SCP2: variants seen among roughly 807,000 people sequenced by gnomAD.
SCP2 encodes SCP-2/3-oxoacyl-CoA thiolase.
In SCP2, 48 loss-of-function variants were observed where a neutral mutation model predicts 71.4. The ratio of observed to expected loss-of-function variants is 0.67; its 90% CI spans 0.53 to 0.86. The LOEUF is 0.86. SCP2 is among the 40% of genes least tolerant of loss of function. SCP2 has a pLI of 0.00. For synonymous variants in SCP2, 220 were observed against 218.1 expected (o/e 1.01, Z -0.08); for missense variants, 560 against 655.6 (o/e 0.85, Z 1.59).
At chr1:53,020,348 T>A (rs1221302678) in intron 12 of SCP2, among the ~76,000 whole-genome samples, 2 of 152,208 alleles carry the variant, frequency 1.3e-5, no homozygotes, top group South Asian at 4.1e-4. Context: ...CTGCCACACA[T>A]TGTAGTTGCT....
intron 12 of SCP2, among the ~76,000 whole-genome samples, chr1:53,021,931 C>T (rs1380690356): frequency 6.6e-6 from 1 of 152,206 alleles, no homozygotes; most frequent in Admixed American, 6.5e-5. Context: ...AGGCATGAGC[C>T]ACCATGCCCG....
intron 9 of SCP2, among the ~76,000 whole-genome samples, chr1:52,979,157 A>G (rs961595481): frequency 6.6e-6 from 1 of 151,960 alleles, no homozygotes; most frequent in Admixed American, 6.6e-5. Context: ...TTTTCATTAT[A>G]CCACAGTTTT....
In SCP2 at chr1:53,026,119, AT is replaced by A. The variant is rs1312657560; in HGVS notation, c.1236-1844del. Among the ~76,000 whole-genome samples the A allele has an allele frequency of 3.3e-5, 5 of 152,042 alleles. No individual in the cohort carries two copies. In the East Asian group the frequency reaches 9.7e-4, roughly 29 times the overall value. On this transcript the variant is annotated intron_variant, in intron 12 of 15. Transcript: ENST00000371514. ...GTTCCTTTTTTTTAAATTTAAAATT[AT>A]TTTTTATTGATGCATAACTGATGTA...
intron 11 of SCP2, among the ~76,000 whole-genome samples, chr1:53,013,208 T>G (rs900423706): frequency 1.3e-5 from 2 of 149,546 alleles, no homozygotes; most frequent in African/African-American, 2.5e-5. Context: ...CTTGACTTCC[T>G]GGGCTCAGGC....
At position 52,995,961 on chromosome 1, in the gene SCP2, C is replaced by T. The variant is rs1041951620; in HGVS notation, c.1081+7825C>T. Reference sequence around the variant, plus strand: ...GAACGACCTCGTCTCTGAGTATCAGCAGTACCAGGATGCCACCACAGAAGA... The same window carrying T: ...GAACGACCTCGTCTCTGAGTATCAGTAGTACCAGGATGCCACCACAGAAGA... On this transcript the variant is annotated intron_variant, in intron 11 of 15. Coordinates refer to ENST00000371514, the MANE Select transcript of SCP2 (RefSeq NM_002979.5). 1.0e-5 allele frequency: 15 copies of T among 1,449,304 alleles called. No individual in the cohort carries two copies. In the African/African-American group the frequency reaches 2.0e-4, roughly 19 times the overall value. The allele number at this position is 1,449,304 out of a possible 1,614,324, so 89.8% of individuals were successfully genotyped here. A position where few individuals can be genotyped will look rare whatever the true frequency, so the allele number is the denominator to read the frequency against.
chr1:53,023,672 A>C (rs1397290389), intron 12 of SCP2, among the ~76,000 whole-genome samples: 1 of 152,192 alleles, frequency 6.6e-6, no homozygotes, highest in Non-Finnish European at 1.5e-5. Context: ...GAGTTTGCTA[A>C]GATGGAGGTA....
chr1:52,939,243 G>A (rs1388064345), intron 1 of SCP2, among the ~76,000 whole-genome samples: 1 of 152,132 alleles, frequency 6.6e-6, no homozygotes, highest in Non-Finnish European at 1.5e-5. Flanking sequence ...TATGAATAAA[G>A]CTAGTATAAA....
intron 13 of SCP2, among the ~76,000 whole-genome samples, chr1:53,029,712 C>T (rs994333238): frequency 6.6e-6 from 1 of 152,090 alleles, no homozygotes; most frequent in African/African-American, 2.4e-5. Context: ...CCCAGTATTC[C>T]CAGGACTTTC....
chr1:53,008,585 C>A (rs914415226), intron 11 of SCP2, among the ~76,000 whole-genome samples: 1 of 152,184 alleles, frequency 6.6e-6, no homozygotes, highest in Non-Finnish European at 1.5e-5. Context: ...AACAGCCCAT[C>A]ATGCTAAAAA....
intron 14 of SCP2, 138 bp from the exon 15 acceptor site, chr1:53,047,720 G>A (rs758300804): frequency 1.5e-6 from 1 of 681,684 alleles, no homozygotes; most frequent in African/African-American, 1.8e-5. Flanking sequence ...TGCCATAGAA[G>A]TATATGTGAG....
chr1:52,977,673 T>G (rs1658100923), intron 8 of SCP2, among the ~76,000 whole-genome samples: 2 of 152,122 alleles, frequency 1.3e-5, no homozygotes, highest in Admixed American at 1.3e-4. Flanking sequence ...AATAAGAACT[T>G]TTTGGGGCTG....
At chr1:53,004,840 G>A (rs951141777) in intron 11 of SCP2, among the ~76,000 whole-genome samples, 23 of 152,208 alleles carry the variant, frequency 1.5e-4, no homozygotes, top group Admixed American at 1.5e-3. Flanking sequence ...CCTCACCCGG[G>A]AAGTGCAAGA....
chr1:52,960,486 G>A (rs1176301105), intron 5 of SCP2, among the ~76,000 whole-genome samples: 1,343 of 108,198 alleles, frequency 0.012, 10 homozygotes, highest in Non-Finnish European at 0.017. Context: ...GTATATGTGT[G>A]TGTGTGTGTG....
intron 10 of SCP2, among the ~76,000 whole-genome samples, chr1:52,982,688 A>C (rs1658642534): frequency 6.6e-6 from 1 of 152,328 alleles, no homozygotes; most frequent in African/African-American, 2.4e-5. Context: ...AAAATGTAGA[A>C]GCCTTGCAAC....
Position 52,958,701 on chromosome 1 carries a change from A to G in SCP2, c.397-2802A>G, listed in dbSNP as rs141919356. Among the ~76,000 whole-genome samples the G allele has an allele frequency of 2.6e-4, 39 of 151,562 alleles. No homozygotes were observed. The East Asian group carries it at 7.0e-3, about 27-fold the overall frequency. Reference sequence around the variant, plus strand: ...GGTCATGATATATTATCCTTTTTGTATATTGTTGGATTTGATTTGTTAATT... The same window carrying G: ...GGTCATGATATATTATCCTTTTTGTGTATTGTTGGATTTGATTTGTTAATT... On this transcript the variant is annotated intron_variant, in intron 5 of 15. Coordinates refer to ENST00000371514, the MANE Select transcript of SCP2 (RefSeq NM_002979.5).
rs528433766 is a variant in SCP2 at position 52,960,640 on chromosome 1, ATATG to A, written c.397-855_397-852del. On this transcript the variant is annotated intron_variant, in intron 5 of 15. Transcript: ENST00000371514. Reference sequence around the variant, plus strand: ...TATATATGTATGTATATATGTGTATATATGTATGTATATATGTGTATATATATGT... The same window carrying A: ...TATATATGTATGTATATATGTGTATATATGTATATATGTGTATATATATGT... 2.7e-3 allele frequency among the ~76,000 whole-genome samples: 398 copies of A among 146,980 alleles called. 4 individuals are homozygous for A. Among genetic ancestry groups the A allele is most frequent in the African/African-American group, 9.5e-3 (373 of 39,344 alleles).
At position 52,974,811 on chromosome 1, in the gene SCP2, A is replaced by G. The variant is rs752551206; in HGVS notation, c.566A>G (p.His189Arg). 2.0e-6 allele frequency: 3 copies of G among 1,531,282 alleles called. 1 individual carries two copies. Among genetic ancestry groups the G allele is most frequent in the South Asian group, 2.2e-5 (2 of 89,352 alleles). 94.9% of individuals were successfully genotyped at this position (1,531,282 alleles called of 1,614,324 possible). A position where few individuals can be genotyped will look rare whatever the true frequency, so the allele number is the denominator to read the frequency against. Residue 189 changes from histidine (H) to arginine (R), a missense_variant, in exon 7 of 16, where the codon CAT (histidine) becomes CGT (arginine). Physicochemically the swap from His to Arg is conservative, Grantham distance 29. This residue lies in a region of SCP2 where 513 missense variants were observed against 573.1 expected (regional missense o/e 0.90). Coordinates refer to ENST00000371514, the MANE Select transcript of SCP2 (RefSeq NM_002979.5). The part of the protein sequence containing the change: ...EHFAKIGWKN[H>R]KHSVNNPYSQ... ...TTTGCAAAAATTGGATGGAAAAATC[A>G]TAAACATTCAGTTAATAACCCGTAA...
At chr1:52,962,703 T>A (rs1027384524) in intron 6 of SCP2, among the ~76,000 whole-genome samples, 9 of 152,120 alleles carry the variant, frequency 5.9e-5, no homozygotes, top group African/African-American at 1.9e-4. Context: ...CCTTAGCTTC[T>A]ACCCTAAGAT....
intron 11 of SCP2, among the ~76,000 whole-genome samples, chr1:53,007,140 A>C (rs1237118295): frequency 6.6e-6 from 1 of 152,238 alleles, no homozygotes; most frequent in African/African-American, 2.4e-5. Context: ...GCAAGTCCTT[A>C]GAGACCTACA....
Sources: allele counts gnomAD v4.1 joint callset (sites outside exome capture counted in the v4.1 genomes callset), GRCh38; gene constraint gnomAD v4.1.1; regional missense constraint gnomAD v4.1.1; transcripts MANE v1.5; gene names NCBI Gene and HGNC (gene_info 2026-07-23, HGNC 2026-07-21).